The following PRKCH variants were observed in gnomAD, a reference collection of about 807,000 sequenced individuals.
The protein encoded by PRKCH is protein kinase C eta.
Under a neutral mutation model 82.5 loss-of-function variants are expected in PRKCH, and 28 were observed. That is an observed-to-expected ratio of 0.34 (90% CI 0.25 to 0.47). The LOEUF (loss-of-function observed/expected upper bound fraction) is 0.47, where lower values mean the gene tolerates loss of function less well. PRKCH is among the 20% of genes least tolerant of loss of function. The probability of loss-of-function intolerance (pLI) is 1.00; values close to 1 mark genes in which losing one functional copy is unlikely to be tolerated. For synonymous variants in PRKCH, 322 were observed against 327.4 expected, an observed-to-expected ratio of 0.98 and a Z score of 0.18; for missense variants, 705 against 881.8, an observed-to-expected ratio of 0.80 and a Z score of 2.54.
intron 2 of PRKCH, among the ~76,000 whole-genome samples, chr14:61,401,949 G>A (rs2140218606): frequency 6.6e-6 from 1 of 152,328 alleles, no homozygotes; most frequent in South Asian, 2.1e-4. Context: ...AAAAACGAAT[G>A]AACTGCGCCT....
In PRKCH at chr14:61,322,271, C is replaced by T; in HGVS notation, c.170C>T (p.Thr57Ile). Residue 57 changes from threonine (T) to isoleucine (I), a missense_variant, in exon 1 of 14, where the codon ACC becomes ATC. Physicochemically the swap from Thr to Ile is moderately conservative, Grantham distance 89. This residue lies in a region of PRKCH where 246 missense variants were observed against 308.0 expected (regional missense o/e 0.80). Transcript: ENST00000332981. ...GTGGACCAGGTGCGCGTGGGCCAGACCAGCACCAAGCAGAAGACCAACAAA... is the reference window on the plus strand; with the variant it reads ...GTGGACCAGGTGCGCGTGGGCCAGATCAGCACCAAGCAGAAGACCAACAAA... ...VSVDQVRVGQ[T>I]STKQKTNKPT... The T allele has an allele frequency of 1.2e-6, 2 of 1,613,258 alleles. No homozygotes were observed. Among genetic ancestry groups the T allele is most frequent in the Non-Finnish European group, 1.7e-6 (2 of 1,179,894 alleles).
At chr14:61,281,177 T>C in intron 1 of PRKCH, 1 of 1,274,886 alleles carries the variant, frequency 7.8e-7, no homozygotes, top group Non-Finnish European at 9.9e-7. Context: ...ACGCGCGGGC[T>C]GACCGAGTGG....
At chr14:61,379,061 G>A (rs1236902211) in intron 1 of PRKCH, among the ~76,000 whole-genome samples, 1 of 152,204 alleles carries the variant, frequency 6.6e-6, no homozygotes, top group African/African-American at 2.4e-5. Flanking sequence ...CAGCCTGCCA[G>A]CATGTCGTGA....
At chr14:61,384,460 C>G (rs993496795) in intron 1 of PRKCH, among the ~76,000 whole-genome samples, 2 of 150,978 alleles carry the variant, frequency 1.3e-5, no homozygotes, top group African/African-American at 5.0e-5. Flanking sequence ...TATTTAATCC[C>G]TTTCTGTGAT....
At chr14:61,379,645 G>T (rs913329212) in intron 1 of PRKCH, among the ~76,000 whole-genome samples, 2 of 152,090 alleles carry the variant, frequency 1.3e-5, no homozygotes, top group African/African-American at 2.4e-5. Context: ...TTCCTTTCTT[G>T]TGGGGGTTCC....
chr14:61,267,667 T>C (rs1176095754), intron 1 of PRKCH, among the ~76,000 whole-genome samples: 2 of 152,230 alleles, frequency 1.3e-5, no homozygotes, highest in Non-Finnish European at 2.9e-5. Context: ...TCAGAATGGA[T>C]TGATAGTGCA....
chr14:61,213,349 C>A (rs1566782908), intron 1 of PRKCH, among the ~76,000 whole-genome samples: 2 of 152,286 alleles, frequency 1.3e-5, no homozygotes, highest in South Asian at 4.1e-4. Context: ...ATTAGGAAAT[C>A]TACATTCCAA....
chr14:61,394,729 G>A (rs1384574653), intron 2 of PRKCH, among the ~76,000 whole-genome samples: 1 of 152,128 alleles, frequency 6.6e-6, no homozygotes, highest in Non-Finnish European at 1.5e-5. Flanking sequence ...AGAATGAAAT[G>A]GTAAGTCATA....
At chr14:61,323,312 C>T (rs1474325503) in intron 1 of PRKCH, among the ~76,000 whole-genome samples, 2 of 150,922 alleles carry the variant, frequency 1.3e-5, no homozygotes, top group South Asian at 4.2e-4. Flanking sequence ...TTCTAGAGCG[C>T]TCTACACGGT....
At chr14:61,382,736 T>C (rs1193759232) in intron 1 of PRKCH, among the ~76,000 whole-genome samples, 1 of 152,248 alleles carries the variant, frequency 6.6e-6, no homozygotes, top group Non-Finnish European at 1.5e-5. Flanking sequence ...ATGAACCTTC[T>C]ACCTTTGCCC....
chr14:61,437,785 A>G (rs1407497325), intron 2 of PRKCH, among the ~76,000 whole-genome samples: 1 of 152,118 alleles, frequency 6.6e-6, no homozygotes, highest in African/African-American at 2.4e-5. Context: ...TCTAGACAAT[A>G]GACAGTTGAA....
At chr14:61,248,134 T>G (rs1483591965) in intron 1 of PRKCH, among the ~76,000 whole-genome samples, 1 of 152,156 alleles carries the variant, frequency 6.6e-6, no homozygotes, top group Non-Finnish European at 1.5e-5. Flanking sequence ...CCTGACCACA[T>G]TATTTATCAC....
At chr14:61,460,973 C>T (rs192261968) in intron 9 of PRKCH, among the ~76,000 whole-genome samples, 2 of 152,210 alleles carry the variant, frequency 1.3e-5, no homozygotes, top group Admixed American at 1.3e-4. Context: ...GGTGACAGGA[C>T]GCACTGAAGG....
At chr14:61,547,187 G>T (rs2140043680) in intron 12 of PRKCH, among the ~76,000 whole-genome samples, 1 of 152,222 alleles carries the variant, frequency 6.6e-6, no homozygotes, top group East Asian at 1.9e-4. Flanking sequence ...AAGAAAAGTG[G>T]CCAACTTTGT....
intron 1 of PRKCH, among the ~76,000 whole-genome samples, chr14:61,338,734 CT>C (rs2045890939): frequency 6.6e-6 from 1 of 152,054 alleles, no homozygotes; most frequent in Admixed American, 6.6e-5. Flanking sequence ...TTAAACTGTC[CT>C]TTTCTGGCAA....
At chr14:61,467,743 A>C (rs963548981) in intron 9 of PRKCH, among the ~76,000 whole-genome samples, 3 of 152,208 alleles carry the variant, frequency 2.0e-5, no homozygotes, top group Non-Finnish European at 4.4e-5. Context: ...TGAGCGAAGA[A>C]GGAAAGGGCA....
chr14:61,453,841 A>G (rs1245408029), intron 7 of PRKCH, among the ~76,000 whole-genome samples: 1 of 150,598 alleles, frequency 6.6e-6, no homozygotes, highest in Non-Finnish European at 1.5e-5. Context: ...TTTTTTTTGT[A>G]GAGATGGAGT....
At chr14:61,526,978 G>A (rs1478182347) in intron 10 of PRKCH, among the ~76,000 whole-genome samples, 1 of 152,246 alleles carries the variant, frequency 6.6e-6, no homozygotes, top group Non-Finnish European at 1.5e-5. Context: ...AGGCCAAGCT[G>A]TTGCTCTGTC....
intron 10 of PRKCH, among the ~76,000 whole-genome samples, chr14:61,528,618 G>A (rs1041509516): frequency 2.0e-5 from 3 of 152,100 alleles, no homozygotes; most frequent in Admixed American, 6.5e-5. Context: ...TGAGTTCCTT[G>A]CAGATGAAGA....
Sources: gnomAD v4.1 joint callset for allele counts (sites outside exome capture counted in the v4.1 genomes callset) on GRCh38, gnomAD v4.1.1 for gene constraint, gnomAD v4.1.1 regional missense constraint, MANE v1.5 for transcripts, NCBI Gene and HGNC (gene_info 2026-07-23, HGNC 2026-07-21) for gene names.